Variants in AP2A1 observed in about 807,000 individuals in gnomAD.
The protein encoded by AP2A1 is adaptor related protein complex 2 subunit alpha 1.
AP2A1 carries 21 observed loss-of-function variants against 107.3 expected under a neutral mutation model. The ratio of observed to expected loss-of-function variants is 0.20; its 90% CI spans 0.14 to 0.28. The LOEUF is 0.28. Ranked by LOEUF, AP2A1 falls within the 10% of genes least tolerant of loss-of-function variation. AP2A1 has a pLI of 1.00. For missense variants in AP2A1, 873 were observed against 1,307.7 expected (o/e 0.67, Z 5.13); for synonymous variants, 602 against 564.8 (o/e 1.07, Z -0.93).
At position 49,788,786 on chromosome 19, in the gene AP2A1, G is replaced by A. The variant is rs1196294020; in HGVS notation, c.474-3149G>A. Among the ~76,000 whole-genome samples the A allele has an allele frequency of 2.6e-5, 4 of 152,184 alleles. No individual in the cohort carries two copies. Among genetic ancestry groups the A allele is most frequent in the African/African-American group, 7.2e-5 (3 of 41,452 alleles). ...GCTGTGACGGAGGTGGGAAAGTGCCGTCACAAATGGAGCATCGTCTGTGGC... is the reference window on the plus strand; with the variant it reads ...GCTGTGACGGAGGTGGGAAAGTGCCATCACAAATGGAGCATCGTCTGTGGC... On this transcript the variant is annotated intron_variant, in intron 4 of 22. Coordinates refer to ENST00000354293, the MANE Select transcript of AP2A1 (RefSeq NM_130787.3). This position sits in a 1 kb window ranked among gnomAD's most constrained non-coding sequence, Gnocchi z 4.5.
intron 1 of AP2A1, among the ~76,000 whole-genome samples, chr19:49,777,958 G>T (rs1196834181): frequency 6.6e-6 from 1 of 151,582 alleles, no homozygotes; most frequent in African/African-American, 2.4e-5. Context: ...ATATATTATA[G>T]ATATAATAAT....
chr19:49,769,052 C>A (rs978730226), intron 1 of AP2A1, among the ~76,000 whole-genome samples: 10 of 152,092 alleles, frequency 6.6e-5, no homozygotes, highest in African/African-American at 2.2e-4. Flanking sequence ...GAGTTCAAGA[C>A]CAACCTGGCC....
chr19:49,796,002 G>T (rs143398629), intron 7 of AP2A1: 1 of 477,858 alleles, frequency 2.1e-6, no homozygotes. Context: ...GCCCTGTTGC[G>T]AGGGACTGTT....
chr19:49,800,634 A>T, intron 11 of AP2A1: 1 of 273,746 alleles, frequency 3.7e-6, no homozygotes, highest in Non-Finnish European at 7.0e-6. Context: ...ACACCCAGCT[A>T]ATTTGTTTGT....
At chr19:49,783,591 TC>T (rs1185318237) in intron 4 of AP2A1, among the ~76,000 whole-genome samples, 1 of 152,142 alleles carries the variant, frequency 6.6e-6, no homozygotes, top group African/African-American at 2.4e-5. Flanking sequence ...TTTAATGGAT[TC>T]ATGAGGTAGC....
At chr19:49,774,354 A>G (rs978385559) in intron 1 of AP2A1, among the ~76,000 whole-genome samples, 2 of 152,016 alleles carry the variant, frequency 1.3e-5, no homozygotes, top group Non-Finnish European at 2.9e-5. Context: ...ATATGTAAGG[A>G]GGCAACTCAG....
Position 49,795,618 on chromosome 19 carries a change from C to A in AP2A1, c.706-12C>A. 1 of 825,616 alleles carries A rather than the reference C, an allele frequency of 1.2e-6. No homozygotes were observed. The highest frequency in any genetic ancestry group is 1.8e-6 in the Non-Finnish European group (1 of 549,266). The allele number at this position is 825,616 out of a possible 1,614,324, so 51.1% of individuals were successfully genotyped here. A position where few individuals can be genotyped will look rare whatever the true frequency, so the allele number is the denominator to read the frequency against. On this transcript the variant is annotated splice_polypyrimidine_tract_variant and intron_variant, in intron 6 of 22. Transcript: ENST00000354293. Reference sequence around the variant, plus strand: ...CCCAGCCCCCAACTTATTTCTTGCTCTTCCCCGCCAGATCGTCTCCTCTGC... The same window carrying A: ...CCCAGCCCCCAACTTATTTCTTGCTATTCCCCGCCAGATCGTCTCCTCTGC...
At chr19:49,800,204 G>A in intron 11 of AP2A1, 54 bp downstream of exon 11, 1 of 1,540,168 alleles carries the variant, frequency 6.5e-7, no homozygotes, top group Non-Finnish European at 8.8e-7. Context: ...TAGAGGCAGA[G>A]CAAGGATGGC....
chr19:49,799,235 G>A, intron 8 of AP2A1, 92 bp from the exon 9 acceptor site: 2 of 1,423,264 alleles, frequency 1.4e-6, no homozygotes, highest in South Asian at 1.3e-5. Flanking sequence ...TGGATCCTTG[G>A]GGGCTGTGAG....
At position 49,805,487 on chromosome 19, in the gene AP2A1, G is replaced by A. The variant is rs1164601997; in HGVS notation, c.2379G>A (p.Gln793=). The change falls in exon 19 of 23, where the codon CAG becomes CAA. Residue 793 remains glutamine, a synonymous_variant. Transcript: ENST00000354293. ...TGCAGACCAAGCGCGTGGCGGCGCA[G>A]GTGGACGGCGGCGCGCAGGTGCAGC... The part of the protein sequence containing the change: ...LAVQTKRVAA[Q]VDGGAQVQQV... The A allele has an allele frequency of 3.9e-6, 6 of 1,553,544 alleles. No homozygotes were observed. The highest frequency in any genetic ancestry group is 5.2e-6 in the Non-Finnish European group (6 of 1,148,894).
Position 49,802,974 on chromosome 19 carries a change from C to T in AP2A1, c.2140C>T (p.Pro714Ser). 2 of 1,613,492 alleles carry T rather than the reference C, an allele frequency of 1.2e-6. No individual in the cohort carries two copies. The highest frequency in any genetic ancestry group is 1.7e-6 in the Non-Finnish European group (2 of 1,179,734). ...LSPGPEDIGP[P>S]IPEADELLNK... ...CCCAGGTCCTGAGGACATCGGCCCTCCCATTCCGGAAGCCGATGAGTTGCT... is the reference window on the plus strand; with the variant it reads ...CCCAGGTCCTGAGGACATCGGCCCTTCCATTCCGGAAGCCGATGAGTTGCT... Residue 714 changes from proline (P) to serine (S), a missense_variant, in exon 16 of 23, where the codon CCC (proline) becomes TCC (serine). Coordinates refer to ENST00000354293, the MANE Select transcript of AP2A1 (RefSeq NM_130787.3).
chr19:49,781,684 G>C, intron 1 of AP2A1, 73 bp from the exon 2 acceptor site: 1 of 1,456,350 alleles, frequency 6.9e-7, no homozygotes, highest in Non-Finnish European at 9.4e-7. Context: ...GGGTGGGGCC[G>C]CGCCTAGGAA....
intron 1 of AP2A1, among the ~76,000 whole-genome samples, chr19:49,773,541 G>C (rs945971176): frequency 4.6e-5 from 7 of 152,166 alleles, no homozygotes; most frequent in Non-Finnish European, 1.0e-4. Context: ...GTTCCAGCTG[G>C]GTGCCAGGCA....
intron 6 of AP2A1, 44 bp from the exon 7 acceptor site, chr19:49,795,586 C>CCA: frequency 8.2e-6 from 6 of 727,792 alleles, no homozygotes; most frequent in East Asian, 5.7e-5. Flanking sequence ...CCACGTGCCC[C>CCA]TCCCACCCCA....
chr19:49,772,933 C>T (rs2084579798), intron 1 of AP2A1, among the ~76,000 whole-genome samples: 1 of 151,776 alleles, frequency 6.6e-6, no homozygotes. Flanking sequence ...CGTGTTTGTC[C>T]TGAGAGCTCT....
chr19:49,779,301 C>A (rs1291178305), intron 1 of AP2A1, among the ~76,000 whole-genome samples: 1 of 145,526 alleles, frequency 6.9e-6, no homozygotes, highest in African/African-American at 2.6e-5. Flanking sequence ...TGCGCCACTG[C>A]ACTCCAGCCT....
At chr19:49,775,391 T>C (rs1187919741) in intron 1 of AP2A1, among the ~76,000 whole-genome samples, 2 of 152,190 alleles carry the variant, frequency 1.3e-5, no homozygotes, top group Admixed American at 1.3e-4. Context: ...CTCAGCTCAC[T>C]GCAACCTCTA....
intron 15 of AP2A1, 52 bp from the exon 16 acceptor site, chr19:49,802,897 T>C: frequency 6.3e-7 from 1 of 1,581,228 alleles, no homozygotes; most frequent in Non-Finnish European, 8.6e-7. Flanking sequence ...CTCTGGGCCT[T>C]TGCCCCTCCC....
chr19:49,801,256 C>T, intron 12 of AP2A1, 134 bp from the exon 13 acceptor site: 1 of 1,019,866 alleles, frequency 9.8e-7, no homozygotes, highest in Non-Finnish European at 1.4e-6. Context: ...CTGTCTGGTG[C>T]CTGGGGAGGG....
Sources: allele counts gnomAD v4.1 joint callset (sites outside exome capture counted in the v4.1 genomes callset), GRCh38; gene constraint gnomAD v4.1.1; non-coding constraint Gnocchi (gnomAD v3.1); transcripts MANE v1.5; gene names NCBI Gene and HGNC (gene_info 2026-07-23, HGNC 2026-07-21).